The following STK33 variants were observed in gnomAD, a reference collection of about 807,000 sequenced individuals.
STK33 encodes the protein serine/threonine-protein kinase 33.
A neutral mutation model predicts 58.0 loss-of-function variants in STK33; 52 were observed. The ratio of observed to expected loss-of-function variants is 0.90; its 90% CI spans 0.72 to 1.13. The LOEUF (loss-of-function observed/expected upper bound fraction) is 1.13, where lower values mean the gene tolerates loss of function less well. Ranked by LOEUF, STK33 falls within the 50% of genes most tolerant of loss-of-function variation. The pLI is 0.00. For synonymous variants in STK33, 215 were observed against 200.1 expected (o/e 1.07, Z -0.63); for missense variants, 630 against 604.2 (o/e 1.04, Z -0.45).
chr11:8,490,983 G>C (rs1041706276), intron 1 of STK33, among the ~76,000 whole-genome samples: 1 of 152,188 alleles, frequency 6.6e-6, no homozygotes, highest in Non-Finnish European at 1.5e-5. Context: ...CAAAGATGGG[G>C]AGAAACCAGA....
intron 11 of STK33, among the ~76,000 whole-genome samples, chr11:8,446,170 G>A (rs1945434936): frequency 1.3e-5 from 2 of 152,142 alleles, no homozygotes; most frequent in African/African-American, 4.8e-5. Context: ...TTGTGTAGAG[G>A]TGTTTATAGT....
chr11:8,397,678 G>A (rs1849599493), intron 15 of STK33, among the ~76,000 whole-genome samples: 1 of 152,122 alleles, frequency 6.6e-6, no homozygotes, highest in South Asian at 2.1e-4. Context: ...AAAGGAGGAA[G>A]TCTGAACCCA....
At chr11:8,522,993 C>T (rs1484528813) in intron 1 of STK33, among the ~76,000 whole-genome samples, 2 of 152,210 alleles carry the variant, frequency 1.3e-5, no homozygotes, top group South Asian at 2.1e-4. Flanking sequence ...GGGGTTTCGC[C>T]GTGTTGGCCG....
intron 1 of STK33, among the ~76,000 whole-genome samples, chr11:8,582,410 C>T (rs1455872924): frequency 3.3e-5 from 5 of 152,216 alleles, no homozygotes; most frequent in Non-Finnish European, 7.3e-5. Context: ...TTAATTGACT[C>T]ACAGTTCAGC....
chr11:8,335,296 C>T, the STK33 span, among the ~76,000 whole-genome samples: 1 of 152,158 alleles, frequency 6.6e-6, no homozygotes, highest in African/African-American at 2.4e-5. Flanking sequence ...GATCGGACAG[C>T]ACATGAACTT....
chr11:8,592,731 G>A (rs145897281), intron 1 of STK33, among the ~76,000 whole-genome samples: 31 of 152,118 alleles, frequency 2.0e-4, no homozygotes, highest in African/African-American at 7.0e-4. Context: ...TCATGTACAT[G>A]GTCACCCAAC....
chr11:8,555,269 T>A (rs1956656359), intron 1 of STK33: 1 of 152,124 alleles, frequency 6.6e-6, no homozygotes, highest in South Asian at 2.1e-4. Context: ...AGGGAAGGAA[T>A]GGAAAGCTGC....
intron 1 of STK33, among the ~76,000 whole-genome samples, chr11:8,495,523 T>C (rs1950992618): frequency 6.6e-6 from 1 of 152,166 alleles, no homozygotes; most frequent in Non-Finnish European, 1.5e-5. Context: ...GTTCAACCAT[T>C]GTGGAAGACA....
At chr11:8,385,383 C>G in the STK33 span, among the ~76,000 whole-genome samples, 37,803 of 151,960 alleles carry the variant, frequency 0.25, 4,879 homozygotes, top group South Asian at 0.36. Context: ...TGACCCCTGT[C>G]TCTCCCCTTC....
At chr11:8,394,040 T>G (rs896400431) in intron 15 of STK33, among the ~76,000 whole-genome samples, 2 of 152,238 alleles carry the variant, frequency 1.3e-5, no homozygotes, top group African/African-American at 4.8e-5. Flanking sequence ...ACCTTAAAAT[T>G]TTAATTTCTA....
rs181218377 is a variant in STK33, at chr11:8,576,465, T to C, written c.-466+17618A>G. On this transcript the variant is annotated intron_variant, in intron 1 of 15. Transcript: ENST00000687296. ...AAACCTGAAATCTATTTTCAGATTG[T>C]AGATAAAATTTTTATAATGTATTAC... 1.4e-4 allele frequency among the ~76,000 whole-genome samples: 22 copies of C among 152,356 alleles called. No individual in the cohort carries two copies. In the East Asian group the frequency reaches 4.2e-3, roughly 29 times the overall value.
At chr11:8,498,793 T>C (rs999878590) in intron 1 of STK33, among the ~76,000 whole-genome samples, 12 of 152,278 alleles carry the variant, frequency 7.9e-5, no homozygotes, top group Admixed American at 3.3e-4. Flanking sequence ...TCTACAATCA[T>C]CTGATCTTTG....
At chr11:8,508,466 C>T (rs1952045284) in intron 1 of STK33, among the ~76,000 whole-genome samples, 1 of 151,816 alleles carries the variant, frequency 6.6e-6, no homozygotes, top group Non-Finnish European at 1.5e-5. Context: ...GTGATGGAGT[C>T]TCCCTATGTT....
At chr11:8,430,436 GGAA>G (rs1436161555) in intron 14 of STK33, among the ~76,000 whole-genome samples, 5 of 151,838 alleles carry the variant, frequency 3.3e-5, no homozygotes, top group African/African-American at 9.7e-5. Context: ...GGGCCACACT[GGAA>G]GAAGAATTGT....
At chr11:8,572,647 G>A (rs1444345369) in intron 1 of STK33, among the ~76,000 whole-genome samples, 1 of 151,842 alleles carries the variant, frequency 6.6e-6, no homozygotes, top group African/African-American at 2.4e-5. Context: ...TCGAACTCCT[G>A]GCCTCAAGCA....
chr11:8,392,837 T>C, intron 15 of STK33, 127 bp from the exon 16 acceptor site: 1 of 776,430 alleles, frequency 1.3e-6, no homozygotes, highest in East Asian at 2.7e-5. Context: ...GGGTCCAAAC[T>C]AGTCATATTG....
chr11:8,384,050 A>G, the STK33 span, among the ~76,000 whole-genome samples: 10 of 152,242 alleles, frequency 6.6e-5, no homozygotes, highest in African/African-American at 1.7e-4. Flanking sequence ...ATGTGGGCAG[A>G]AAGTTACCCA....
intron 1 of STK33, among the ~76,000 whole-genome samples, chr11:8,541,723 T>A (rs1346319372): frequency 6.6e-6 from 1 of 152,078 alleles, no homozygotes; most frequent in African/African-American, 2.4e-5. Context: ...TACAAGCCCC[T>A]TCAAAAGACT....
At chr11:8,592,504 T>C (rs774556418) in intron 1 of STK33, among the ~76,000 whole-genome samples, 2 of 152,216 alleles carry the variant, frequency 1.3e-5, no homozygotes, top group Non-Finnish European at 2.9e-5. Flanking sequence ...GGTGGCAATG[T>C]AAATTGGCAT....
Sources: allele counts gnomAD v4.1 joint callset (sites outside exome capture counted in the v4.1 genomes callset), GRCh38; gene constraint gnomAD v4.1.1; transcripts MANE v1.5; gene names NCBI Gene and HGNC (gene_info 2026-07-23, HGNC 2026-07-21).